ZNF749: variants seen among roughly 807,000 people sequenced by gnomAD.
The protein encoded by ZNF749 is zinc finger protein 749.
A neutral mutation model predicts 7.3 loss-of-function variants in ZNF749; 8 were observed. That is an observed-to-expected ratio of 1.10 (90% confidence interval 0.64 to 1.98). The LOEUF (loss-of-function observed/expected upper bound fraction) is 1.98, where lower values mean the gene tolerates loss of function less well. ZNF749 is among the 30% of genes most tolerant of loss of function. ZNF749 has a pLI of 0.00. For synonymous variants in ZNF749, 310 were observed against 322.4 expected (o/e 0.96, Z 0.41); for missense variants, 898 against 932.4 (o/e 0.96, Z 0.48).
At position 57,435,510 on chromosome 19, in the gene ZNF749, C is replaced by T. The variant is rs1272187463; in HGVS notation, c.-69C>T. ...GAGTCGGCTGCAGGCGCCCCTGCCT[C>T]CGTCAGCGTCCAGGTGACCGCCGTT... On this transcript the variant is annotated 5_prime_UTR_variant, in exon 1 of 3. Transcript: ENST00000334181. 1.9e-6 allele frequency: 3 copies of T among 1,558,408 alleles called. No homozygotes were observed. Among genetic ancestry groups the T allele is most frequent in the Non-Finnish European group, 2.6e-6 (3 of 1,154,652 alleles).
intron 2 of ZNF749, among the ~76,000 whole-genome samples, chr19:57,443,009 C>G (rs748721121): frequency 3.9e-5 from 6 of 152,220 alleles, no homozygotes; most frequent in Admixed American, 1.3e-4. Context: ...ACACAACCGT[C>G]ATGGCCTGTT....
At chr19:57,430,056 C>G in the ZNF749 span, among the ~76,000 whole-genome samples, 1 of 152,182 alleles carries the variant, frequency 6.6e-6, no homozygotes, top group Non-Finnish European at 1.5e-5. Flanking sequence ...CCAGGTCAGT[C>G]TAATCACCTT....
upstream of ZNF749, among the ~76,000 whole-genome samples, chr19:57,431,435 C>T (rs116052638): frequency 9.9e-4 from 151 of 152,230 alleles, no homozygotes; most frequent in African/African-American, 3.5e-3. Context: ...AATCAGAGTA[C>T]ATATAACATG....
chr19:57,429,304 G>T, the ZNF749 span, among the ~76,000 whole-genome samples: 7 of 152,180 alleles, frequency 4.6e-5, no homozygotes, highest in Admixed American at 2.0e-4. The surrounding 1 kb of genome is among the most constrained non-coding windows in gnomAD (Gnocchi z 4.2). Context: ...GGGATTACAG[G>T]CGTGAGCCAC....
Position 57,435,528 on chromosome 19 carries a change from C to T in ZNF749, c.-51C>T, listed in dbSNP as rs969354703. 4.4e-6 allele frequency: 7 copies of T among 1,579,168 alleles called. No homozygotes were observed. The Admixed American group carries it at 1.3e-4, about 29-fold the overall frequency. On this transcript the variant is annotated 5_prime_UTR_variant, in exon 1 of 3. Coordinates refer to ENST00000334181, the MANE Select transcript of ZNF749 (RefSeq NM_001023561.4). ...CCTGCCTCCGTCAGCGTCCAGGTGA[C>T]CGCCGTTCCCGCCCCGCTCTTCCCT...
intron 1 of ZNF749, among the ~76,000 whole-genome samples, chr19:57,438,676 C>A (rs1394072602): frequency 6.6e-6 from 1 of 152,162 alleles, no homozygotes; most frequent in Non-Finnish European, 1.5e-5. Context: ...ACCCCAGGCC[C>A]CCACCACTTA....
Position 57,445,194 on chromosome 19 carries a change from A to G in ZNF749, c.2046A>G (p.Thr682=). The G allele has an allele frequency of 6.2e-7, 1 of 1,614,182 alleles. No individual in the cohort carries two copies. Among genetic ancestry groups the G allele is most frequent in the Non-Finnish European group, 8.5e-7 (1 of 1,179,992 alleles). ...GGAAGTTTCTTAGATACCGCTCTACATTCATTAAACATCATAAAGTTTGCA... is the reference window on the plus strand; with the variant it reads ...GGAAGTTTCTTAGATACCGCTCTACGTTCATTAAACATCATAAAGTTTGCA... ...NCGKFLRYRS[T]FIKHHKVCTG... Residue 682 remains threonine, a synonymous_variant, in exon 3 of 3, where the codon ACA becomes ACG. Transcript: ENST00000334181.
chr19:57,438,872 C>T (rs1350247579), intron 1 of ZNF749, among the ~76,000 whole-genome samples: 2 of 152,102 alleles, frequency 1.3e-5, no homozygotes, highest in Non-Finnish European at 2.9e-5. Flanking sequence ...CGTTCAGGCA[C>T]GGGATATAGA....
In ZNF749 at chr19:57,445,885, G is replaced by A. The variant is rs572180940; in HGVS notation, c.*400G>A. On this transcript the variant is annotated 3_prime_UTR_variant, in exon 3 of 3. Coordinates refer to ENST00000334181, the MANE Select transcript of ZNF749 (RefSeq NM_001023561.4). ...GCGGAGGTTGCAGTGAACTGAGATT[G>A]TTCCATTGCACTCCAGCCTGGGTGA... 1.3e-5 allele frequency among the ~76,000 whole-genome samples: 2 copies of A among 152,256 alleles called. No homozygotes were observed. Among genetic ancestry groups the A allele is most frequent in the East Asian group, 3.9e-4 (2 of 5,174 alleles).
chr19:57,438,119 C>A, intron 1 of ZNF749: 1 of 398,820 alleles, frequency 2.5e-6, no homozygotes. Context: ...GAATGAGGGT[C>A]GTGATCAACT....
Position 57,447,062 on chromosome 19 carries a change from ATTTTT to A in ZNF749, c.*1579_*1583del, listed in dbSNP as rs371724290. On this transcript the variant is annotated 3_prime_UTR_variant, in exon 3 of 3. Coordinates refer to ENST00000334181, the MANE Select transcript of ZNF749 (RefSeq NM_001023561.4). ...TGTACACTTAGGCTACTCTAAATTA[ATTTTT>A]TCTTTAGTAATAAATTAACCTTAGT... 6.6e-6 allele frequency among the ~76,000 whole-genome samples: 1 copy of A among 151,932 alleles called. No individual in the cohort carries two copies. The highest frequency in any genetic ancestry group is 1.5e-5 in the Non-Finnish European group (1 of 67,962).
rs760846278 is a variant in ZNF749, at chr19:57,441,980, G to C, written c.111G>C (p.Met37Ile). Residue 37 changes from methionine (M) to isoleucine (I), a missense_variant, in exon 2 of 3, where the codon ATG becomes ATC. Transcript: ENST00000334181. ...AGAGACACCTGCACAGCAATGTGAT[G>C]TTGGAGAACTTTGCGCTTTTGTCAT... ...DAQRHLHSNV[M>I]LENFALLSSV... is the part of the protein sequence containing the mutation. The C allele has an allele frequency of 6.2e-7, 1 of 1,614,000 alleles. No homozygotes were observed. The highest frequency in any genetic ancestry group is 2.2e-5 in the East Asian group (1 of 44,886).
Position 57,439,608 on chromosome 19 carries a change from A to C in ZNF749, c.16-2277A>C, listed in dbSNP as rs1475614573. Among the ~76,000 whole-genome samples the C allele has an allele frequency of 6.6e-6, 1 of 151,698 alleles. No individual in the cohort carries two copies. The highest frequency in any genetic ancestry group is 2.4e-5 in the African/African-American group (1 of 41,288). On this transcript the variant is annotated intron_variant, in intron 1 of 2. Transcript: ENST00000334181. The surrounding 1 kb of genome is among the most constrained non-coding windows in gnomAD (Gnocchi z 4.3). ...ACTCTGTCCCTACAAATAATAATAA[A>C]TAGCTGGGTGTGGTGGCGTCTCTCT...
Position 57,445,547 on chromosome 19 carries a change from C to A in ZNF749, c.*62C>A. 6.5e-7 allele frequency: 1 copy of A among 1,535,372 alleles called. No homozygotes were observed. Among genetic ancestry groups the A allele is most frequent in the South Asian group, 1.3e-5 (1 of 76,162 alleles). On this transcript the variant is annotated 3_prime_UTR_variant, in exon 3 of 3. Coordinates refer to ENST00000334181, the MANE Select transcript of ZNF749 (RefSeq NM_001023561.4). The stretch of plus-strand genomic sequence containing the variant: ...TCATTCAGCACCAAAAGGTTCACAT[C>A]GGACCAAGAACCTATTAATATATGT...
intron 1 of ZNF749, chr19:57,438,267 G>T: frequency 2.6e-6 from 1 of 386,928 alleles, no homozygotes; most frequent in Non-Finnish European, 4.6e-6. Context: ...AGTGTTTCTT[G>T]TGATTAGGCA....
At position 57,442,489 on chromosome 19, in the gene ZNF749, T is replaced by C. The variant is rs1001766593; in HGVS notation, c.142+478T>C. Among the ~76,000 whole-genome samples, 5 of 152,196 alleles carry C rather than the reference T, an allele frequency of 3.3e-5. No homozygotes were observed. Among genetic ancestry groups the C allele is most frequent in the African/African-American group, 4.8e-5 (2 of 41,440 alleles). On this transcript the variant is annotated intron_variant, in intron 2 of 2. Coordinates refer to ENST00000334181, the MANE Select transcript of ZNF749 (RefSeq NM_001023561.4). The surrounding 1 kb of genome is among the most constrained non-coding windows in gnomAD (Gnocchi z 6.6). ...GGTAGCTTTAGAATGCAGCATGTCC[T>C]GGGTTTATTGCTCTGTGTACATGCT...
rs58922304 is a variant in ZNF749, at chr19:57,441,699, G to A, written c.16-186G>A. 8.0e-3 allele frequency among the ~76,000 whole-genome samples: 1,218 copies of A among 152,252 alleles called. 16 individuals are homozygous for A. Among genetic ancestry groups the A allele is most frequent in the African/African-American group, 0.027 (1,142 of 41,546 alleles). On this transcript the variant is annotated intron_variant, in intron 1 of 2. Transcript: ENST00000334181. ...ACAGGGCTTGTGTTGATTAGGACAGGAGAAATAATCATGTATGAGCATTAG... is the reference window on the plus strand; with the variant it reads ...ACAGGGCTTGTGTTGATTAGGACAGAAGAAATAATCATGTATGAGCATTAG...
At position 57,437,220 on chromosome 19, in the gene ZNF749, G is replaced by C. The variant is rs555330581; in HGVS notation, c.15+1627G>C. Among the ~76,000 whole-genome samples, 4 of 151,818 alleles carry C rather than the reference G, an allele frequency of 2.6e-5. No homozygotes were observed. The South Asian group carries it at 8.3e-4, about 32-fold the overall frequency. On this transcript the variant is annotated intron_variant, in intron 1 of 2. Transcript: ENST00000334181. ...ACATCTCATATATTCTTGCCTCTCT[G>C]AGCCTGATACATTTTGTGTAGGTCA...
chr19:57,430,333 C>CT (rs1280516410), upstream of ZNF749, among the ~76,000 whole-genome samples: 1 of 152,192 alleles, frequency 6.6e-6, no homozygotes, highest in Non-Finnish European at 1.5e-5. Flanking sequence ...AGAACCCATT[C>CT]TTGCGATGAT....
Sources: gnomAD v4.1 joint callset for allele counts (sites outside exome capture counted in the v4.1 genomes callset) on GRCh38, gnomAD v4.1.1 for gene constraint, Gnocchi (gnomAD v3.1) non-coding constraint, MANE v1.5 for transcripts, NCBI Gene and HGNC (gene_info 2026-07-23, HGNC 2026-07-21) for gene names.